KANK4: variants seen among roughly 807,000 people sequenced by gnomAD.
KANK4 encodes the protein KN motif and ankyrin repeat domains 4, also known as KN motif and ankyrin repeat domain-containing protein 4.
In KANK4, 50 loss-of-function variants were observed where a neutral mutation model predicts 80.8. The observed-to-expected ratio is 0.62, with a 90% CI of 0.49 to 0.78. The LOEUF (loss-of-function observed/expected upper bound fraction) is 0.78. KANK4 is among the 30% of genes least tolerant of loss of function. The pLI is 0.00. For missense variants in KANK4, 1,196 were observed against 1,240.1 expected (o/e 0.96, Z 0.53); for synonymous variants, 465 against 506.9 (o/e 0.92, Z 1.11).
intron 7 of KANK4, among the ~76,000 whole-genome samples, chr1:62,255,487 C>T (rs866964831): frequency 9.9e-5 from 15 of 152,180 alleles, no homozygotes; most frequent in African/African-American, 3.4e-4. Context: ...TGGCTTACTG[C>T]AGCCTAAACC....
rs1312826871 is a variant in KANK4, at chr1:62,319,389, C to G, written c.-354G>C. The G allele has an allele frequency of 1.3e-5, 2 of 151,974 alleles. No individual in the cohort carries two copies. The highest frequency in any genetic ancestry group is 2.9e-5 in the Non-Finnish European group (2 of 67,968). The allele number at this position is 151,974 out of a possible 1,614,324, so 9.4% of individuals were successfully genotyped here. ...CGCCGCCAGCCGCGGCTTCGCCCCG[C>G]GTCGCCAGCTGCCAACAGCGCCCGA... On this transcript the variant is annotated 5_prime_UTR_variant, in exon 1 of 10. Coordinates refer to ENST00000371153, the MANE Select transcript of KANK4 (RefSeq NM_181712.5).
At chr1:62,282,216 C>T (rs1177768065) in intron 1 of KANK4, among the ~76,000 whole-genome samples, 1 of 152,112 alleles carries the variant, frequency 6.6e-6, no homozygotes, top group Non-Finnish European at 1.5e-5. Flanking sequence ...ACCTGGGTGG[C>T]CCGAAGACAT....
At chr1:62,300,087 G>A (rs919347558) in intron 1 of KANK4, among the ~76,000 whole-genome samples, 4 of 152,058 alleles carry the variant, frequency 2.6e-5, no homozygotes, top group African/African-American at 9.7e-5. Flanking sequence ...TGTGGGTTCA[G>A]CTGCTGCTGC....
chr1:62,287,577 T>G (rs972502120), intron 1 of KANK4, among the ~76,000 whole-genome samples: 1 of 152,210 alleles, frequency 6.6e-6, no homozygotes, highest in African/African-American at 2.4e-5. Context: ...CATCAATGCT[T>G]GAAGCAGCCA....
chr1:62,289,451 A>G (rs1672636553), intron 1 of KANK4, among the ~76,000 whole-genome samples: 1 of 152,146 alleles, frequency 6.6e-6, no homozygotes, highest in African/African-American at 2.4e-5. Flanking sequence ...CCCTCCCCAG[A>G]AGATTGCAGC....
chr1:62,291,418 G>C lies in KANK4; in HGVS notation c.-70-9784C>G, dbSNP rs1354437469. On this transcript the variant is annotated intron_variant, in intron 1 of 9. Coordinates refer to ENST00000371153, the MANE Select transcript of KANK4 (RefSeq NM_181712.5). The stretch of plus-strand genomic sequence containing the variant: ...GTATATGGTATAAGATAAGCTTCCA[G>C]CTTCATTTTTTTGTATAATTTAACT... Among the ~76,000 whole-genome samples the C allele has an allele frequency of 2.6e-5, 4 of 152,114 alleles. No individual in the cohort carries two copies. The South Asian group carries it at 8.3e-4, about 32-fold the overall frequency.
rs76703286 is a variant in KANK4, at chr1:62,287,265, G to T, written c.-70-5631C>A. 9.2e-3 allele frequency among the ~76,000 whole-genome samples: 1,401 copies of T among 152,322 alleles called. 9 individuals are homozygous for T. Among genetic ancestry groups the T allele is most frequent in the Admixed American group, 0.014 (211 of 15,304 alleles). Reference sequence around the variant, plus strand: ...GGATGGTCCAGGAGGGGCCAGGAAAGCGTCTGGGTTCCTTTATGCAGACTC... The same window carrying T: ...GGATGGTCCAGGAGGGGCCAGGAAATCGTCTGGGTTCCTTTATGCAGACTC... On this transcript the variant is annotated intron_variant, in intron 1 of 9. Transcript: ENST00000371153.
intron 7 of KANK4, among the ~76,000 whole-genome samples, chr1:62,258,551 C>G (rs759273149): frequency 1.6e-4 from 24 of 152,198 alleles, no homozygotes; most frequent in Non-Finnish European, 1.3e-4. Context: ...AGACTCAAAG[C>G]TGCTTAGCAG....
rs376455473 is a variant in KANK4 at position 62,273,824 on chromosome 1, G to A, written c.1280C>T (p.Ser427Leu). The change falls in exon 3 of 10, where the codon TCG becomes TTG. Residue 427 changes from serine to leucine, a missense_variant. By Grantham distance (145) the Ser-to-Leu change is moderately radical. Coordinates refer to ENST00000371153, the MANE Select transcript of KANK4 (RefSeq NM_181712.5). ...DPVHGLLTRE[S>L]CDKGIEVNLL... Reference sequence around the variant, plus strand: ...GTTGACTTCAATGCCCTTATCACACGACTCCCTGGTCAAGAGTCCATGGAC... The same window carrying A: ...GTTGACTTCAATGCCCTTATCACACAACTCCCTGGTCAAGAGTCCATGGAC... 7 of 1,613,922 alleles carry A rather than the reference G, an allele frequency of 4.3e-6. No homozygotes were observed. The African/African-American group carries it at 9.3e-5, about 22-fold the overall frequency.
At chr1:62,283,709 C>T (rs1450723511) in intron 1 of KANK4, among the ~76,000 whole-genome samples, 1 of 152,218 alleles carries the variant, frequency 6.6e-6, no homozygotes, top group Non-Finnish European at 1.5e-5. Context: ...GAAGCTCCTA[C>T]TGCAGAGGAG....
chr1:62,308,154 C>A (rs1011073595), intron 1 of KANK4, among the ~76,000 whole-genome samples: 1 of 152,192 alleles, frequency 6.6e-6, no homozygotes, highest in Non-Finnish European at 1.5e-5. Context: ...TGGTCTCTAG[C>A]GCCCTAGGGA....
chr1:62,317,937 T>A (rs1385333112), intron 1 of KANK4, among the ~76,000 whole-genome samples: 1 of 152,114 alleles, frequency 6.6e-6, no homozygotes, highest in Non-Finnish European at 1.5e-5. Context: ...TCCCCAAAAC[T>A]CACTTTCCCC....
At chr1:62,240,497 C>A (rs2149112292) in intron 9 of KANK4, among the ~76,000 whole-genome samples, 1 of 152,176 alleles carries the variant, frequency 6.6e-6, no homozygotes. Flanking sequence ...TGGAGAAACC[C>A]CATCTCTACT....
intron 1 of KANK4, among the ~76,000 whole-genome samples, chr1:62,299,000 T>C (rs994188708): frequency 6.6e-6 from 1 of 152,080 alleles, no homozygotes; most frequent in Admixed American, 6.6e-5. Context: ...TTGGTCATAG[T>C]CACAAAGATA....
intron 1 of KANK4, among the ~76,000 whole-genome samples, chr1:62,289,452 A>T (rs945070536): frequency 2.0e-5 from 3 of 152,166 alleles, no homozygotes; most frequent in African/African-American, 7.2e-5. Context: ...CCTCCCCAGA[A>T]GATTGCAGCA....
chr1:62,239,989 C>G (rs1671300137), intron 9 of KANK4, among the ~76,000 whole-genome samples: 1 of 152,196 alleles, frequency 6.6e-6, no homozygotes, highest in South Asian at 2.1e-4. Context: ...GTGCATGTGT[C>G]TTTATAGCAG....
chr1:62,237,397 A>G lies in KANK4; in HGVS notation c.*880T>C, dbSNP rs1409262592. ...TTACCATGAGGTAATGGATACGGCT[A>G]TGCAGGTGGCTTCTTGATGACAATA... On this transcript the variant is annotated 3_prime_UTR_variant, in exon 10 of 10. Transcript: ENST00000371153. 2 of 152,198 alleles carry G rather than the reference A, an allele frequency of 1.3e-5. No homozygotes were observed. The highest frequency in any genetic ancestry group is 4.8e-5 in the African/African-American group (2 of 41,444). 9.4% of individuals were successfully genotyped at this position (152,198 alleles called of 1,614,324 possible). A position where few individuals can be genotyped will look rare whatever the true frequency, so the allele number is the denominator to read the frequency against.
intron 1 of KANK4, among the ~76,000 whole-genome samples, chr1:62,305,044 C>T (rs557038316): frequency 4.6e-5 from 7 of 150,770 alleles, no homozygotes; most frequent in African/African-American, 1.4e-4. Flanking sequence ...GATGTGAAAA[C>T]GGAAAAGGAG....
chr1:62,303,697 TAA>T, intron 1 of KANK4, among the ~76,000 whole-genome samples: 1 of 152,124 alleles, frequency 6.6e-6, no homozygotes, highest in East Asian at 1.9e-4. Flanking sequence ...TTCAAAGACT[TAA>T]TATGAAAAAA....
Sources: allele counts gnomAD v4.1 joint callset (sites outside exome capture counted in the v4.1 genomes callset), GRCh38; gene constraint gnomAD v4.1.1; transcripts MANE v1.5; gene names NCBI Gene and HGNC (gene_info 2026-07-23, HGNC 2026-07-21).